The following SKI variants were observed in gnomAD, a reference collection of about 807,000 sequenced individuals.
SKI encodes the protein SKI proto-oncogene.
In SKI, 23 loss-of-function variants were observed where a neutral mutation model predicts 59.3. That is an observed-to-expected ratio of 0.39 (90% CI 0.28 to 0.55). The LOEUF (loss-of-function observed/expected upper bound fraction) is 0.55, where lower values mean the gene tolerates loss of function less well. Ranked by LOEUF, SKI falls within the 20% of genes least tolerant of loss-of-function variation. The probability of loss-of-function intolerance (pLI) is 0.67; values close to 1 mark genes in which losing one functional copy is unlikely to be tolerated. For synonymous variants in SKI, 673 were observed against 488.6 expected (o/e 1.38, Z -4.98); for missense variants, 1,017 against 1,038.9 (o/e 0.98, Z 0.29).
intron 1 of SKI, among the ~76,000 whole-genome samples, chr1:2,273,716 CA>C (rs1254913895): frequency 1.3e-5 from 2 of 152,222 alleles, no homozygotes; most frequent in African/African-American, 4.8e-5. Context: ...CAGCCTCCCC[CA>C]GCATTGCACC....
intron 1 of SKI, among the ~76,000 whole-genome samples, chr1:2,283,562 G>C (rs1002358196): frequency 1.3e-5 from 2 of 152,234 alleles, no homozygotes; most frequent in African/African-American, 4.8e-5. Context: ...CTGCTCAGAT[G>C]TTGTACTGCA....
At chr1:2,248,567 C>CA (rs1468015962) in intron 1 of SKI, among the ~76,000 whole-genome samples, 1 of 152,136 alleles carries the variant, frequency 6.6e-6, no homozygotes, top group Non-Finnish European at 1.5e-5. Context: ...GGGGCCTGGA[C>CA]AGGCAGCCTT....
At position 2,303,520 on chromosome 1, in the gene SKI, G is replaced by A. The variant is rs1640480759; in HGVS notation, c.1211+120G>A. The A allele has an allele frequency of 3.4e-6, 3 of 889,634 alleles. No individual in the cohort carries two copies. In the South Asian group the frequency reaches 4.5e-5, roughly 13 times the overall value. 55.1% of individuals were successfully genotyped at this position (889,634 alleles called of 1,614,324 possible). A position where few individuals can be genotyped will look rare whatever the true frequency, so the allele number is the denominator to read the frequency against. ...CCCAGACCTGCCGCCTTTTGGTCAG[G>A]GCAGTCTCGGTGTTGGTTCCTTTGG... On this transcript the variant is annotated intron_variant, in intron 3 of 6. Transcript: ENST00000378536. The surrounding 1 kb of genome is among the most constrained non-coding windows in gnomAD (Gnocchi z 5.6).
rs1640482747 is a variant in SKI, at chr1:2,303,615, T to G, written c.1211+215T>G. 2 of 704,118 alleles carry G rather than the reference T, an allele frequency of 2.8e-6. No homozygotes were observed. The highest frequency in any genetic ancestry group is 4.7e-6 in the Non-Finnish European group (2 of 424,180). 43.6% of individuals were successfully genotyped at this position (704,118 alleles called of 1,614,324 possible). A position where few individuals can be genotyped will look rare whatever the true frequency, so the allele number is the denominator to read the frequency against. ...GTGGAGTCGTGGGTGGAGCCCTGTC[T>G]GCTGGGCGCAGCTTCTTGATGTGTT... On this transcript the variant is annotated intron_variant, in intron 3 of 6. Coordinates refer to ENST00000378536, the MANE Select transcript of SKI (RefSeq NM_003036.4). This position sits in a 1 kb window ranked among gnomAD's most constrained non-coding sequence, Gnocchi z 5.6.
At chr1:2,274,562 C>T (rs1223817708) in intron 1 of SKI, among the ~76,000 whole-genome samples, 2 of 152,180 alleles carry the variant, frequency 1.3e-5, no homozygotes, top group Non-Finnish European at 2.9e-5. Flanking sequence ...GGATGGTGTC[C>T]ACTCCTGCCC....
At chr1:2,277,494 C>T (rs1432050601) in intron 1 of SKI, among the ~76,000 whole-genome samples, 1 of 152,160 alleles carries the variant, frequency 6.6e-6, no homozygotes, top group Non-Finnish European at 1.5e-5. Flanking sequence ...TTTTCTCTTG[C>T]CGCTGCCATG....
At chr1:2,231,108 C>T (rs576780311) in intron 1 of SKI, among the ~76,000 whole-genome samples, 3 of 152,272 alleles carry the variant, frequency 2.0e-5, no homozygotes, top group South Asian at 4.1e-4. Context: ...TGGGGCCCTT[C>T]GTGTCACACG....
Position 2,304,029 on chromosome 1 carries a change from G to T in SKI, c.1401G>T (p.Thr467=). The part of the protein sequence containing the change: ...LTVDTPGAPE[T]LAPVAAPEED... Reference sequence around the variant, plus strand: ...TGGACACCCCAGGAGCCCCAGAGACGCTGGCGCCCGTGGCTGCCCCAGAGG... The same window carrying T: ...TGGACACCCCAGGAGCCCCAGAGACTCTGGCGCCCGTGGCTGCCCCAGAGG... The change falls in exon 4 of 7, where the codon ACG becomes ACT. Residue 467 remains threonine, a synonymous_variant. Coordinates refer to ENST00000378536, the MANE Select transcript of SKI (RefSeq NM_003036.4). The T allele has an allele frequency of 6.2e-7, 1 of 1,612,456 alleles. No individual in the cohort carries two copies. Among genetic ancestry groups the T allele is most frequent in the Non-Finnish European group, 8.5e-7 (1 of 1,179,840 alleles).
Position 2,306,203 on chromosome 1 carries a change from G to A in SKI, c.1951G>A (p.Asp651Asn), listed in dbSNP as rs1268791145. 1.3e-6 allele frequency: 2 copies of A among 1,580,002 alleles called. No homozygotes were observed. Among genetic ancestry groups the A allele is most frequent in the Non-Finnish European group, 1.7e-6 (2 of 1,163,884 alleles). ...LEQARQARVCDKGCEAGRLRA... is the reference protein window; with the variant it reads ...LEQARQARVCNKGCEAGRLRA... ...GCAGGCGCGGCAGGCCCGGGTGTGC[G>A]ACAAGGGCTGCGAGGCGGGCCGCCT... Residue 651 changes from aspartate to asparagine, a missense_variant, in exon 6 of 7, where the codon GAC (aspartate) becomes AAC (asparagine). Coordinates refer to ENST00000378536, the MANE Select transcript of SKI (RefSeq NM_003036.4).
chr1:2,305,005 G>A (rs531197239), intron 5 of SKI, among the ~76,000 whole-genome samples: 36 of 152,342 alleles, frequency 2.4e-4, no homozygotes, highest in Middle Eastern at 3.4e-3. Context: ...GGGTGTTCAC[G>A]CGCTCCGCCA....
chr1:2,247,473 G>A (rs1639024800), intron 1 of SKI, among the ~76,000 whole-genome samples: 3 of 152,194 alleles, frequency 2.0e-5, no homozygotes, highest in South Asian at 2.1e-4. Context: ...TGATGGCTTC[G>A]CTGAAGATGA....
intron 1 of SKI, among the ~76,000 whole-genome samples, chr1:2,279,351 T>C (rs374595534): frequency 2.0e-5 from 3 of 151,944 alleles, no homozygotes; most frequent in Non-Finnish European, 4.4e-5. Flanking sequence ...TTCCAGCCCC[T>C]CTCGGGGCAT....
intron 1 of SKI, among the ~76,000 whole-genome samples, chr1:2,276,460 G>A (rs1017335488): frequency 6.6e-6 from 1 of 152,254 alleles, no homozygotes; most frequent in Admixed American, 6.5e-5. Flanking sequence ...ACCTGCTTCT[G>A]TGGCCCTGGG....
At position 2,271,722 on chromosome 1, in the gene SKI, G is replaced by A. The variant is rs1055522194; in HGVS notation, c.970-31256G>A. On this transcript the variant is annotated intron_variant, in intron 1 of 6. Coordinates refer to ENST00000378536, the MANE Select transcript of SKI (RefSeq NM_003036.4). ...GGGATTGTGGCCCTGGTCCCCTGGG[G>A]GGGGGTAGGGGGCTTTTGGTGGCCT... 4.0e-5 allele frequency among the ~76,000 whole-genome samples: 6 copies of A among 151,814 alleles called. No homozygotes were observed. The East Asian group carries it at 9.8e-4, about 25-fold the overall frequency.
intron 1 of SKI, among the ~76,000 whole-genome samples, chr1:2,293,133 T>C (rs1160432946): frequency 6.6e-6 from 1 of 152,124 alleles, no homozygotes; most frequent in Non-Finnish European, 1.5e-5. Context: ...TCAGTAGGGC[T>C]CGGGCCTGAG....
intron 1 of SKI, among the ~76,000 whole-genome samples, chr1:2,289,245 C>T (rs1162669231): frequency 2.0e-5 from 3 of 152,210 alleles, no homozygotes; most frequent in Admixed American, 6.5e-5. Flanking sequence ...CCGGAGGTGG[C>T]CCTCCTGCCT....
chr1:2,273,359 G>A (rs1639670406), intron 1 of SKI, among the ~76,000 whole-genome samples: 1 of 152,182 alleles, frequency 6.6e-6, no homozygotes, highest in South Asian at 2.1e-4. Flanking sequence ...AAGGACAGCA[G>A]CTGTGGGGTC....
Position 2,251,878 on chromosome 1 carries a change from C to T in SKI, c.969+22143C>T, listed in dbSNP as rs373280392. Among the ~76,000 whole-genome samples the T allele has an allele frequency of 5.3e-5, 8 of 152,236 alleles. No individual in the cohort carries two copies. The East Asian group carries it at 1.2e-3, about 22-fold the overall frequency. On this transcript the variant is annotated intron_variant, in intron 1 of 6. Coordinates refer to ENST00000378536, the MANE Select transcript of SKI (RefSeq NM_003036.4). ...CTTCTCCCCTTCTTGCTTCCCTCCCCGCCCCTTGGCTCCGGGCACAGCGTG... is the reference window on the plus strand; with the variant it reads ...CTTCTCCCCTTCTTGCTTCCCTCCCTGCCCCTTGGCTCCGGGCACAGCGTG...
At position 2,251,349 on chromosome 1, in the gene SKI, C is replaced by T. The variant is rs112561875; in HGVS notation, c.969+21614C>T. Among the ~76,000 whole-genome samples the T allele has an allele frequency of 3.3e-3, 502 of 152,126 alleles. 2 individuals are homozygous for T. The highest frequency in any genetic ancestry group is 0.012 in the African/African-American group (484 of 41,478). Reference sequence around the variant, plus strand: ...TGTGGCCCAGGCTGGTCGTGAATTCCTGGGCTTGAGCCATCCTCCCGCCTG... The same window carrying T: ...TGTGGCCCAGGCTGGTCGTGAATTCTTGGGCTTGAGCCATCCTCCCGCCTG... On this transcript the variant is annotated intron_variant, in intron 1 of 6. Transcript: ENST00000378536.
Sources: allele counts gnomAD v4.1 joint callset (sites outside exome capture counted in the v4.1 genomes callset), GRCh38; gene constraint gnomAD v4.1.1; non-coding constraint Gnocchi (gnomAD v3.1); transcripts MANE v1.5; gene names NCBI Gene and HGNC (gene_info 2026-07-23, HGNC 2026-07-21).